The following WWOX variants were observed in gnomAD, a reference collection of about 807,000 sequenced individuals.
WWOX encodes the protein WW domain containing oxidoreductase, also known as WW domain-containing oxidoreductase.
In WWOX, 69 loss-of-function variants were observed where a neutral mutation model predicts 46.2. The ratio of observed to expected loss-of-function variants is 1.49; its 90% confidence interval spans 1.23 to 1.82. The LOEUF (loss-of-function observed/expected upper bound fraction) is 1.82. Among genes scored for constraint, WWOX ranks in the 40% most tolerant of loss-of-function variants. WWOX has a pLI of 0.00. For synonymous variants in WWOX, 359 were observed against 202.6 expected, an observed-to-expected ratio of 1.77 and a Z score of -6.56; for missense variants, 919 against 542.6, an observed-to-expected ratio of 1.69 and a Z score of -6.89.
chr16:78,732,824 C>G (rs2142388525), intron 8 of WWOX, among the ~76,000 whole-genome samples: 1 of 152,294 alleles, frequency 6.6e-6, no homozygotes, highest in Admixed American at 6.5e-5. Flanking sequence ...GTAATTATTT[C>G]TGTAACTCTT....
chr16:79,157,472 T>C lies in WWOX; in HGVS notation c.1057-54136T>C, dbSNP rs767298183. 7.9e-5 allele frequency among the ~76,000 whole-genome samples: 12 copies of C among 151,320 alleles called. 1 individual carries two copies. Among genetic ancestry groups the C allele is most frequent in the Middle Eastern group, 3.4e-3 (1 of 290 alleles). ...ACAAAACCATACCTTCTTTGCAGGG[T>C]TGTGTAAAGGAAGGTTGAACTAGAA... On this transcript the variant is annotated intron_variant, in intron 8 of 8. Transcript: ENST00000566780.
At chr16:78,291,721 TA>T (rs150174043) in intron 5 of WWOX, among the ~76,000 whole-genome samples, 11 of 150,840 alleles carry the variant, frequency 7.3e-5, no homozygotes, top group South Asian at 2.1e-4. Flanking sequence ...AAAAAATAAA[TA>T]AAAAAAAAGC....
At chr16:78,141,771 A>G (rs2033996517) in intron 4 of WWOX, among the ~76,000 whole-genome samples, 2 of 152,032 alleles carry the variant, frequency 1.3e-5, no homozygotes, top group South Asian at 2.1e-4. Context: ...TTGGATAGAA[A>G]TTTATCAGTG....
At chr16:79,032,854 A>G (rs2047792154) in intron 8 of WWOX, among the ~76,000 whole-genome samples, 1 of 151,238 alleles carries the variant, frequency 6.6e-6, no homozygotes, top group African/African-American at 2.4e-5. Flanking sequence ...TGTACAGATG[A>G]TTTCATCACC....
chr16:79,012,473 G>C (rs1316969520), intron 8 of WWOX, among the ~76,000 whole-genome samples: 2 of 152,142 alleles, frequency 1.3e-5, no homozygotes, highest in Non-Finnish European at 2.9e-5. Context: ...CCTCAAAAGT[G>C]ATTTGCCCAC....
At chr16:78,290,487 C>G (rs569637042) in intron 5 of WWOX, among the ~76,000 whole-genome samples, 6 of 152,256 alleles carry the variant, frequency 3.9e-5, no homozygotes, top group African/African-American at 1.4e-4. Context: ...TCAACTGTTT[C>G]AAACTCCTGT....
chr16:78,600,771 T>C (rs1233001571), intron 8 of WWOX, among the ~76,000 whole-genome samples: 1 of 152,200 alleles, frequency 6.6e-6, no homozygotes, highest in Non-Finnish European at 1.5e-5. Context: ...GCTTGACTTC[T>C]CTGTACAGCC....
intron 8 of WWOX, among the ~76,000 whole-genome samples, chr16:78,994,095 G>T (rs8052062): frequency 0.024 from 3,604 of 152,232 alleles, 148 homozygotes; most frequent in African/African-American, 0.081. Context: ...TGCTTATTAT[G>T]ATCAAGAAAC....
Position 78,752,422 on chromosome 16 carries a change from G to T in WWOX, c.1056+319670G>T, listed in dbSNP as rs372867297. Among the ~76,000 whole-genome samples, 9 of 152,186 alleles carry T rather than the reference G, an allele frequency of 5.9e-5. No individual in the cohort carries two copies. In the East Asian group the frequency reaches 1.4e-3, roughly 23 times the overall value. On this transcript the variant is annotated intron_variant, in intron 8 of 8. Coordinates refer to ENST00000566780, the MANE Select transcript of WWOX (RefSeq NM_016373.4). Reference sequence around the variant, plus strand: ...TCTGCCTCAGCCTTCTGAGTAGCTGGGATTACAGGCACACACCACCACACC... The same window carrying T: ...TCTGCCTCAGCCTTCTGAGTAGCTGTGATTACAGGCACACACCACCACACC...
At chr16:78,986,708 T>C (rs535465528) in intron 8 of WWOX, among the ~76,000 whole-genome samples, 10 of 152,214 alleles carry the variant, frequency 6.6e-5, no homozygotes, top group Non-Finnish European at 2.9e-5. Flanking sequence ...CTGTTACCAA[T>C]TGACCAGGGT....
intron 8 of WWOX, among the ~76,000 whole-genome samples, chr16:78,882,605 AGCCTCCCGAG>A (rs2044366706): frequency 3.0e-5 from 1 of 32,928 alleles, no homozygotes; most frequent in Non-Finnish European, 6.1e-5. Flanking sequence ...CCTCCCGAGT[AGCCTCCCGAG>A]TAGCTGGGAT....
At chr16:79,194,824 C>T (rs1280404231) in intron 8 of WWOX, among the ~76,000 whole-genome samples, 1 of 152,130 alleles carries the variant, frequency 6.6e-6, no homozygotes, top group African/African-American at 2.4e-5. Flanking sequence ...AGAGTGCATA[C>T]AAAAACGCCT....
chr16:78,715,687 G>T (rs1312732224), intron 8 of WWOX, among the ~76,000 whole-genome samples: 1 of 152,146 alleles, frequency 6.6e-6, no homozygotes, highest in Non-Finnish European at 1.5e-5. Flanking sequence ...ATGTTGGCCA[G>T]GCTGGTCTCG....
chr16:78,657,954 A>C lies in WWOX; in HGVS notation c.1056+225202A>C, dbSNP rs181259446. Among the ~76,000 whole-genome samples the C allele has an allele frequency of 3.9e-5, 6 of 152,230 alleles. No homozygotes were observed. In the East Asian group the frequency reaches 1.2e-3, roughly 29 times the overall value. On this transcript the variant is annotated intron_variant, in intron 8 of 8. Transcript: ENST00000566780. ...AATTACTTTTGTTCTCACCTTGGGAAGTGGACTCAGAGGCCAAGTGACTTT... is the reference window on the plus strand; with the variant it reads ...AATTACTTTTGTTCTCACCTTGGGACGTGGACTCAGAGGCCAAGTGACTTT...
chr16:78,812,703 G>T (rs562274990), intron 8 of WWOX, among the ~76,000 whole-genome samples: 1 of 151,870 alleles, frequency 6.6e-6, no homozygotes, highest in Non-Finnish European at 1.5e-5. Flanking sequence ...TGCAGCCTGG[G>T]TGACAGAATG....
intron 8 of WWOX, among the ~76,000 whole-genome samples, chr16:78,711,737 A>G (rs756061086): frequency 3.3e-5 from 5 of 152,194 alleles, no homozygotes; most frequent in African/African-American, 1.2e-4. Context: ...TTCCCATGTT[A>G]GTGCTTTACT....
rs554503613 is a variant in WWOX, at chr16:78,345,989, C to G, written c.517-40871C>G. On this transcript the variant is annotated intron_variant, in intron 5 of 8. Transcript: ENST00000566780. ...AAAAAATAGAACATTTACATCACCTCAAAAAGATTTCAAATGCCACTTCTG... is the reference window on the plus strand; with the variant it reads ...AAAAAATAGAACATTTACATCACCTGAAAAAGATTTCAAATGCCACTTCTG... Among the ~76,000 whole-genome samples, 2 of 121,144 alleles carry G rather than the reference C, an allele frequency of 1.7e-5. 1 individual carries two copies. The highest frequency in any genetic ancestry group is 3.9e-5 in the Non-Finnish European group (2 of 50,684). The allele number at this position is 121,144 out of a possible 152,430, so 79.5% of individuals were successfully genotyped here.
intron 8 of WWOX, among the ~76,000 whole-genome samples, chr16:78,694,466 C>A (rs546806301): frequency 1.3e-5 from 2 of 152,258 alleles, no homozygotes; most frequent in Admixed American, 1.3e-4. Context: ...TCAGACACCA[C>A]GTCAGTCTTG....
Position 78,114,955 on chromosome 16 carries a change from A to C in WWOX, c.231-21A>C, listed in dbSNP as rs1179995197. The C allele has an allele frequency of 1.9e-6, 3 of 1,614,082 alleles. No individual in the cohort carries two copies. The African/African-American group carries it at 4.0e-5, about 22-fold the overall frequency. ...TGCCTGTGTTCATTGCTGTGGGTTC[A>C]CTGCTTTCTCTTTTGGGCAGCCATA... On this transcript the variant is annotated intron_variant, in intron 3 of 8. Coordinates refer to ENST00000566780, the MANE Select transcript of WWOX (RefSeq NM_016373.4).
Sources: gnomAD v4.1 joint callset for allele counts (sites outside exome capture counted in the v4.1 genomes callset) on GRCh38, gnomAD v4.1.1 for gene constraint, MANE v1.5 for transcripts, NCBI Gene and HGNC (gene_info 2026-07-23, HGNC 2026-07-21) for gene names.